SHANK2: variants seen among roughly 807,000 people sequenced by gnomAD.
The protein encoded by SHANK2 is SH3 and multiple ankyrin repeat domains protein 2.
Under a neutral mutation model 133.7 loss-of-function variants are expected in SHANK2, and 43 were observed. That is an observed-to-expected ratio of 0.32 (90% CI 0.25 to 0.41). The LOEUF is 0.41. Ranked by LOEUF, SHANK2 falls within the 10% of genes least tolerant of loss-of-function variation. SHANK2 has a pLI of 1.00. For missense variants in SHANK2, 1,994 were observed against 2,235.8 expected (o/e 0.89, Z 2.18); for synonymous variants, 1,017 against 952.8 (o/e 1.07, Z -1.24).
chr11:70,928,908 C>T (rs1590842933), intron 10 of SHANK2, among the ~76,000 whole-genome samples: 1 of 152,054 alleles, frequency 6.6e-6, no homozygotes, highest in African/African-American at 2.4e-5. Flanking sequence ...AAGTGACTCC[C>T]CATCTCTCCT....
intron 3 of SHANK2, among the ~76,000 whole-genome samples, chr11:71,137,741 A>C (rs879968381): frequency 6.6e-6 from 1 of 152,158 alleles, no homozygotes; most frequent in Admixed American, 6.5e-5. Flanking sequence ...AAACAAGGAC[A>C]AACCTTCTTG....
chr11:71,159,477 G>A (rs1952966903), intron 2 of SHANK2, among the ~76,000 whole-genome samples: 1 of 152,172 alleles, frequency 6.6e-6, no homozygotes, highest in African/African-American at 2.4e-5. Context: ...TTTGCCATAT[G>A]AGGTCACACA....
chr11:70,663,250 A>G (rs1281868801), intron 15 of SHANK2, among the ~76,000 whole-genome samples: 1 of 152,148 alleles, frequency 6.6e-6, no homozygotes, highest in Non-Finnish European at 1.5e-5. Context: ...TGGCACCAGC[A>G]CCAGGTTCAC....
intron 2 of SHANK2, among the ~76,000 whole-genome samples, chr11:71,213,401 G>A (rs1954327265): frequency 6.6e-6 from 1 of 152,176 alleles, no homozygotes; most frequent in Admixed American, 6.5e-5. Flanking sequence ...GTGCCAAGTT[G>A]GACATCTTTA....
chr11:70,766,344 T>C (rs909924253), intron 14 of SHANK2, among the ~76,000 whole-genome samples: 1 of 152,206 alleles, frequency 6.6e-6, no homozygotes, highest in Non-Finnish European at 1.5e-5. Flanking sequence ...CTCTGTGTCA[T>C]GTAAGCCATG....
intron 15 of SHANK2, chr11:70,662,051 C>T (rs1181667450): frequency 1.2e-5 from 6 of 504,054 alleles, no homozygotes; most frequent in East Asian, 7.5e-5. Flanking sequence ...GCGGCGGCGG[C>T]AGCGGCGGCC....
Position 70,492,352 on chromosome 11 carries a change from C to T in SHANK2, c.2422G>A (p.Ala808Thr). The T allele has an allele frequency of 6.2e-7, 1 of 1,612,180 alleles. No homozygotes were observed. Among genetic ancestry groups the T allele is most frequent in the Non-Finnish European group, 8.5e-7 (1 of 1,180,000 alleles). ...CCACTCACGTTCATGTCTGAGCCCG[C>T]CGGGAAGCACCGGCTGCTGGGCCGC... is the stretch of plus-strand genomic sequence containing the variant. The part of the protein sequence containing the change: ...KQRPSSRCFP[A>T]GSDMNSVYER... Residue 808 changes from alanine (A) to threonine (T), a missense_variant, in exon 22 of 26, where the codon GCG becomes ACG. By Grantham distance (58) the Ala-to-Thr change is moderately conservative. Transcript: ENST00000601538.
chr11:70,696,220 A>T (rs1308823258), intron 15 of SHANK2, among the ~76,000 whole-genome samples: 2 of 152,144 alleles, frequency 1.3e-5, no homozygotes, highest in Non-Finnish European at 2.9e-5. Context: ...TAGTTCTGCA[A>T]GTCTTCTCTT....
intron 17 of SHANK2, among the ~76,000 whole-genome samples, chr11:70,533,091 G>A (rs1454942373): frequency 6.6e-6 from 1 of 152,182 alleles, no homozygotes; most frequent in Admixed American, 6.5e-5. Flanking sequence ...GCTGGGGGGA[G>A]GGGCAATGGG....
intron 3 of SHANK2, among the ~76,000 whole-genome samples, chr11:71,140,567 C>T (rs538447470): frequency 9.0e-4 from 137 of 152,330 alleles, no homozygotes; most frequent in African/African-American, 3.0e-3. Context: ...ACCGGGGCCT[C>T]CCTTCTACGT....
chr11:70,808,263 A>G, intron 12 of SHANK2, among the ~76,000 whole-genome samples: 1 of 152,052 alleles, frequency 6.6e-6, no homozygotes, highest in Non-Finnish European at 1.5e-5. Context: ...CTGCAGTGGC[A>G]TGATCTCGGC....
At chr11:71,077,012 G>T (rs1412006929) in intron 8 of SHANK2, among the ~76,000 whole-genome samples, 2 of 152,182 alleles carry the variant, frequency 1.3e-5, no homozygotes, top group East Asian at 3.9e-4. Flanking sequence ...GAAAGAAAGA[G>T]AGAAAGAGAG....
At chr11:70,814,821 A>T (rs1011310733) in intron 12 of SHANK2, among the ~76,000 whole-genome samples, 2 of 152,164 alleles carry the variant, frequency 1.3e-5, no homozygotes, top group Middle Eastern at 3.2e-3. Flanking sequence ...CTTGAAGGAG[A>T]GGGTGGCCAG....
intron 17 of SHANK2, among the ~76,000 whole-genome samples, chr11:70,529,077 G>A (rs1565100617): frequency 6.6e-6 from 1 of 152,130 alleles, no homozygotes; most frequent in Non-Finnish European, 1.5e-5. Flanking sequence ...CAGACACCCT[G>A]GTCACTTACT....
chr11:70,772,448 A>T (rs1169790473), intron 14 of SHANK2, among the ~76,000 whole-genome samples: 1 of 152,150 alleles, frequency 6.6e-6, no homozygotes, highest in Non-Finnish European at 1.5e-5. Context: ...TCAAAAAAAA[A>T]AAAAAAAGTA....
intron 15 of SHANK2, among the ~76,000 whole-genome samples, chr11:70,696,833 T>C (rs1355327592): frequency 6.6e-6 from 1 of 152,090 alleles, no homozygotes; most frequent in Non-Finnish European, 1.5e-5. Flanking sequence ...ATCAATACCA[T>C]TCACAACAAC....
chr11:70,676,600 G>GT (rs1944910060), intron 15 of SHANK2, among the ~76,000 whole-genome samples: 2 of 152,214 alleles, frequency 1.3e-5, no homozygotes, highest in African/African-American at 2.4e-5. Flanking sequence ...TGTGAGTGAG[G>GT]TTTTTTATTA....
chr11:70,487,014 C>T lies in SHANK2; in HGVS notation c.3279G>A (p.Leu1093=), dbSNP rs1165249174. The T allele has an allele frequency of 1.2e-6, 2 of 1,610,304 alleles. No homozygotes were observed. The highest frequency in any genetic ancestry group is 8.5e-7 in the Non-Finnish European group (1 of 1,179,752). ...AGAVRDREKR[L]EARRNSPAFL... is the part of the protein sequence containing the mutation. ...AGGCCGGGGAGTTCCTCCTGGCTTC[C>T]AGCCGCTTCTCACGGTCGCGGACGG... The change falls in exon 25 of 26, where the codon CTG becomes CTA. Residue 1093 remains leucine, a synonymous_variant. Transcript: ENST00000601538. This position sits in a 1 kb window ranked among gnomAD's most constrained non-coding sequence, Gnocchi z 5.8.
intron 11 of SHANK2, among the ~76,000 whole-genome samples, chr11:70,831,676 A>AAAT (rs1948727790): frequency 1.3e-5 from 2 of 152,264 alleles, no homozygotes; most frequent in Non-Finnish European, 2.9e-5. Flanking sequence ...AAAGCTCTTC[A>AAAT]CACATCAGAA....
Sources: allele counts gnomAD v4.1 joint callset (sites outside exome capture counted in the v4.1 genomes callset), GRCh38; gene constraint gnomAD v4.1.1; non-coding constraint Gnocchi (gnomAD v3.1); transcripts MANE v1.5; gene names NCBI Gene and HGNC (gene_info 2026-07-23, HGNC 2026-07-21).